The following CPSF1 variants were observed in gnomAD, a reference collection of about 807,000 sequenced individuals.
The protein encoded by CPSF1 is cleavage and polyadenylation specificity factor subunit 1.
A neutral mutation model predicts 175.8 loss-of-function variants in CPSF1; 106 were observed. That is an observed-to-expected ratio of 0.60 (90% CI 0.52 to 0.71). CPSF1 has a LOEUF of 0.71. Ranked by LOEUF, CPSF1 falls within the 30% of genes least tolerant of loss-of-function variation. CPSF1 has a pLI of 0.00. For synonymous variants in CPSF1, 1,024 were observed against 858.3 expected (o/e 1.19, Z -3.37); for missense variants, 1,734 against 2,022.9 (o/e 0.86, Z 2.74).
At chr8:144,400,128 T>TGCCCCCGCCCCCCCC in intron 9 of CPSF1, 38 bp downstream of exon 9, 1 of 909,866 alleles carries the variant, frequency 1.1e-6, no homozygotes, top group Non-Finnish European at 1.5e-6. Flanking sequence ...GCCCAAGCCG[T>TGCCCCCGCCCCCCCC]CCCCGGGCCC....
At chr8:144,400,135 G>GGGCGCCCC in intron 9 of CPSF1, 31 bp downstream of exon 9, 2 of 895,996 alleles carry the variant, frequency 2.2e-6, no homozygotes, top group Non-Finnish European at 3.2e-6. Flanking sequence ...CCGTCCCCGG[G>GGGCGCCCC]CCCCCCCCGC....
chr8:144,406,398 T>C (rs1247028405), intron 2 of CPSF1, among the ~76,000 whole-genome samples: 1 of 151,912 alleles, frequency 6.6e-6, no homozygotes, highest in African/African-American at 2.4e-5. Context: ...CAGTGTCGAG[T>C]CCCTCCCAGC....
At position 144,397,670 on chromosome 8, in the gene CPSF1, C is replaced by T; in HGVS notation, c.2211-9G>A. The T allele has an allele frequency of 6.5e-7, 1 of 1,543,622 alleles. No homozygotes were observed. The highest frequency in any genetic ancestry group is 8.8e-7 in the Non-Finnish European group (1 of 1,141,662). On this transcript the variant is annotated splice_polypyrimidine_tract_variant and intron_variant, in intron 21 of 37. Transcript: ENST00000616140. ...CGTCATCCACTGTGGGGCTGGGGGC[C>T]AGCAGAAGGTCATGGGCGGCCTGCC...
rs182247778 is a variant in CPSF1 at position 144,395,080 on chromosome 8, C to A, written c.3272+18G>T. ...TGGAGGCCTTGGGCAGACCCCACCC[C>A]CGCCGGCCCAGCCTCACCTGGCATT... On this transcript the variant is annotated intron_variant, in intron 29 of 37. Coordinates refer to ENST00000616140, the MANE Select transcript of CPSF1 (RefSeq NM_013291.3). 5.0e-6 allele frequency: 8 copies of A among 1,604,446 alleles called. No individual in the cohort carries two copies. Among genetic ancestry groups the A allele is most frequent in the South Asian group, 1.1e-5 (1 of 90,144 alleles).
In CPSF1 at chr8:144,397,813, G is replaced by C. The variant is rs1293752606; in HGVS notation, c.2140C>G (p.Leu714Val). The C allele has an allele frequency of 1.2e-6, 2 of 1,611,150 alleles. No individual in the cohort carries two copies. The highest frequency in any genetic ancestry group is 4.5e-5 in the East Asian group (2 of 44,854). The change falls in exon 21 of 38, where the codon CTG becomes GTG. Residue 714 changes from leucine (L) to valine (V), a missense_variant. Physicochemically the swap from Leu to Val is conservative, Grantham distance 32 (BLOSUM62 1). This residue lies in a region of CPSF1 where 585 missense variants were observed against 584.7 expected (regional missense o/e 1.00). Transcript: ENST00000616140. ...LSGMFTTESR[L>V]GGARDELGGR... ...CCGAGCTCGTCACGGGCCCCACCCAGGCGGCTCTCAGTGGTGAACATGCCG... is the reference window on the plus strand; with the variant it reads ...CCGAGCTCGTCACGGGCCCCACCCACGCGGCTCTCAGTGGTGAACATGCCG...
At chr8:144,403,208 T>G (rs1821314614) in intron 2 of CPSF1, among the ~76,000 whole-genome samples, 1 of 151,982 alleles carries the variant, frequency 6.6e-6, no homozygotes, top group Non-Finnish European at 1.5e-5. Flanking sequence ...GCGATTCTCC[T>G]GTCTCAGCCT....
chr8:144,401,377 G>A (rs1488416986), intron 4 of CPSF1, 53 bp downstream of exon 4: 5 of 1,612,230 alleles, frequency 3.1e-6, no homozygotes, highest in Admixed American at 1.7e-5. Context: ...CCCAGGCCCT[G>A]GCACCCACTC....
At position 144,397,323 on chromosome 8, in the gene CPSF1, G is replaced by A; in HGVS notation, c.2476C>T (p.Pro826Ser). ...CTGCGGGCCTCGCCCTGTGTAGTGG[G>A]CTGTCCAAAGGAGCTGTCCACAAGG... The part of the protein sequence containing the change: ...RVLVDSSFGQ[P>S]TTQGEARREE... The change falls in exon 23 of 38, where the codon CCC (proline) becomes TCC (serine). Residue 826 changes from proline (P) to serine (S), a missense_variant. Physicochemically the swap from Pro to Ser is moderately conservative, Grantham distance 74. This residue lies in a region of CPSF1 where 585 missense variants were observed against 584.7 expected (regional missense o/e 1.00). Coordinates refer to ENST00000616140, the MANE Select transcript of CPSF1 (RefSeq NM_013291.3). 6.4e-7 allele frequency: 1 copy of A among 1,556,136 alleles called. No individual in the cohort carries two copies. Among genetic ancestry groups the A allele is most frequent in the South Asian group, 1.2e-5 (1 of 84,486 alleles).
intron 26 of CPSF1, 102 bp from the exon 27 acceptor site, chr8:144,395,653 T>TGGGA: frequency 1.0e-6 from 1 of 982,782 alleles, no homozygotes; most frequent in Non-Finnish European, 1.5e-6. Context: ...CTCAGCTCTG[T>TGGGA]GGGAGCAGGG....
chr8:144,402,548 G>C (rs1028958028), intron 2 of CPSF1, among the ~76,000 whole-genome samples: 1 of 151,978 alleles, frequency 6.6e-6, no homozygotes, highest in Non-Finnish European at 1.5e-5. Context: ...CAGGTGATCC[G>C]CCCACCTTAG....
Position 144,396,638 on chromosome 8 carries a change from G to T in CPSF1, c.2786C>A (p.Ala929Glu), listed in dbSNP as rs370008148. The T allele has an allele frequency of 6.2e-7, 1 of 1,613,548 alleles. No individual in the cohort carries two copies. Among genetic ancestry groups the T allele is most frequent in the Non-Finnish European group, 8.5e-7 (1 of 1,179,984 alleles). The change falls in exon 25 of 38, where the codon GCG becomes GAG. Residue 929 changes from alanine to glutamate, a missense_variant. Physicochemically the swap from Ala to Glu is moderately radical, Grantham distance 107. Coordinates refer to ENST00000616140, the MANE Select transcript of CPSF1 (RefSeq NM_013291.3). Reference protein sequence around the residue: ...EEGAGARGRVARFRYFEDIYG... With the variant: ...EEGAGARGRVERFRYFEDIYG... Reference sequence around the variant, plus strand: ...AATATCCTCGAAGTAGCGGAAACGCGCCACGCGGCCCCGGGCCCCAGCCCC... The same window carrying T: ...AATATCCTCGAAGTAGCGGAAACGCTCCACGCGGCCCCGGGCCCCAGCCCC...
intron 2 of CPSF1, 103 bp downstream of exon 2, chr8:144,408,912 A>C (rs1413774807): frequency 1.4e-5 from 20 of 1,408,612 alleles, no homozygotes; most frequent in African/African-American, 2.9e-5. Flanking sequence ...ACGTTAAGCA[A>C]ATCACTCAAC....
chr8:144,393,637 G>A (rs782052513), intron 36 of CPSF1, 30 bp downstream of exon 36: 3 of 1,582,360 alleles, frequency 1.9e-6, no homozygotes, highest in Non-Finnish European at 2.6e-6. Context: ...GGTGGAGGGG[G>A]TGCTGCACGG....
chr8:144,400,145 C>CCCCT, intron 9 of CPSF1, 21 bp downstream of exon 9: 3 of 1,367,640 alleles, frequency 2.2e-6, no homozygotes, highest in Non-Finnish European at 3.0e-6. Flanking sequence ...GCCCCCCCCG[C>CCCCT]CCCAGCCACC....
At position 144,397,886 on chromosome 8, in the gene CPSF1, GGA is replaced by G; in HGVS notation, c.2074-9_2074-8del. 1 of 1,602,334 alleles carries G rather than the reference GGA, an allele frequency of 6.2e-7. No homozygotes were observed. Among genetic ancestry groups the G allele is most frequent in the Non-Finnish European group, 8.5e-7 (1 of 1,173,684 alleles). ...GCGTAATCACCTTGGACTGCTGCGGGGAGAGGGGTGGGCTCAGCGGCGGGCAA... is the reference window on the plus strand; with the variant it reads ...GCGTAATCACCTTGGACTGCTGCGGGGAGGGGTGGGCTCAGCGGCGGGCAA... On this transcript the variant is annotated splice_polypyrimidine_tract_variant and splice_region_variant and intron_variant, in intron 20 of 37. Transcript: ENST00000616140.
In CPSF1 at chr8:144,399,081, C is replaced by T. The variant is rs1481985253; in HGVS notation, c.1468-43G>A. ...GTGAGGACTATGCCCCCCACCCCCC[C>T]TCACACTCCAGCCCCTGCCCCCAGC... On this transcript the variant is annotated intron_variant, in intron 15 of 37. Transcript: ENST00000616140. The surrounding 1 kb of genome is among the most constrained non-coding windows in gnomAD (Gnocchi z 6.4). The T allele has an allele frequency of 7.1e-6, 11 of 1,546,004 alleles. No individual in the cohort carries two copies. The East Asian group carries it at 9.8e-5, about 14-fold the overall frequency.
At position 144,397,890 on chromosome 8, in the gene CPSF1, A is replaced by G. The variant is rs781911771; in HGVS notation, c.2074-11T>C. On this transcript the variant is annotated splice_polypyrimidine_tract_variant and intron_variant, in intron 20 of 37. Coordinates refer to ENST00000616140, the MANE Select transcript of CPSF1 (RefSeq NM_013291.3). ...AATCACCTTGGACTGCTGCGGGGAGAGGGGTGGGCTCAGCGGCGGGCAAGG... is the reference window on the plus strand; with the variant it reads ...AATCACCTTGGACTGCTGCGGGGAGGGGGGTGGGCTCAGCGGCGGGCAAGG... The G allele has an allele frequency of 6.2e-7, 1 of 1,600,124 alleles. No individual in the cohort carries two copies.
In CPSF1 at chr8:144,394,486, G is replaced by T. The variant is rs1198778065; in HGVS notation, c.3637C>A (p.His1213Asn). Residue 1213 changes from histidine to asparagine, a missense_variant, in exon 32 of 38, where the codon CAC becomes AAC. His to Asn is a moderately conservative substitution (Grantham distance 68). Coordinates refer to ENST00000616140, the MANE Select transcript of CPSF1 (RefSeq NM_013291.3). The part of the protein sequence containing the change: ...MAFIDTQLYI[H>N]QMISVKNFIL... ...AAGTTCTTGACGCTGATCATCTGGT[G>T]TATGTAGAGCTGCGTGTCGATGAAG... 6.2e-7 allele frequency: 1 copy of T among 1,609,424 alleles called. No individual in the cohort carries two copies. The highest frequency in any genetic ancestry group is 8.5e-7 in the Non-Finnish European group (1 of 1,178,628).
Position 144,401,651 on chromosome 8 carries a change from C to T in CPSF1, c.167G>A (p.Ser56Asn). Residue 56 changes from serine to asparagine, a missense_variant, in exon 3 of 38, where the codon AGC (serine) becomes AAC (asparagine). Physicochemically the swap from Ser to Asn is conservative, Grantham distance 46. Around this residue, in one of 10 missense-constraint regions of CPSF1, gnomAD observed 126 missense variants for 117.9 expected, o/e 1.07. Transcript: ENST00000616140. ...GGCCGCCCCACCACACTCACCTGTG[C>T]TCCTGTCATTCTTGGTCAGAGCCTG... is the stretch of plus-strand genomic sequence containing the variant. ...DAEALTKNDR[S>N]TEGKAHREKL... is the part of the protein sequence containing the mutation. 3 of 1,610,866 alleles carry T rather than the reference C, an allele frequency of 1.9e-6. No homozygotes were observed. Among genetic ancestry groups the T allele is most frequent in the Non-Finnish European group, 2.5e-6 (3 of 1,178,672 alleles).
Sources: gnomAD v4.1 joint callset for allele counts (sites outside exome capture counted in the v4.1 genomes callset) on GRCh38, gnomAD v4.1.1 for gene constraint, gnomAD v4.1.1 regional missense constraint, Gnocchi (gnomAD v3.1) non-coding constraint, MANE v1.5 for transcripts, NCBI Gene and HGNC (gene_info 2026-07-23, HGNC 2026-07-21) for gene names.